Variants in BEND4 observed in about 807,000 individuals in gnomAD.
BEND4 encodes BEN domain containing 4.
Under a neutral mutation model 54.7 loss-of-function variants are expected in BEND4, and 27 were observed. That is an observed-to-expected ratio of 0.49 (90% CI 0.36 to 0.68). The LOEUF (loss-of-function observed/expected upper bound fraction) is 0.68, where lower values mean the gene tolerates loss of function less well. BEND4 is among the 30% of genes least tolerant of loss of function. The probability of loss-of-function intolerance (pLI) is 0.00; values close to 1 mark genes in which losing one functional copy is unlikely to be tolerated. For missense variants in BEND4, 702 were observed against 697.2 expected, an observed-to-expected ratio of 1.01 and a Z score of -0.08; for synonymous variants, 327 against 299.5, an observed-to-expected ratio of 1.09 and a Z score of -0.95.
chr4:42,112,948 C>T lies in BEND4; in HGVS notation c.*4570G>A, dbSNP rs557283518. The T allele has an allele frequency of 6.6e-6, 1 of 152,156 alleles. No homozygotes were observed. The highest frequency in any genetic ancestry group is 1.5e-5 in the Non-Finnish European group (1 of 68,038). The allele number at this position is 152,156 out of a possible 1,614,324, so 9.4% of individuals were successfully genotyped here. On this transcript the variant is annotated 3_prime_UTR_variant, in exon 6 of 6. Coordinates refer to ENST00000502486, the MANE Select transcript of BEND4 (RefSeq NM_207406.4). ...CTGGGTGACGTTTTCCTACATTACT[C>T]CAACTGAAGTGGTTATTTTTATCCA...
intron 3 of BEND4, among the ~76,000 whole-genome samples, chr4:42,132,240 G>A (rs1482694262): frequency 1.3e-5 from 2 of 152,152 alleles, no homozygotes; most frequent in African/African-American, 4.8e-5. Flanking sequence ...GGCCTTCACG[G>A]GTGGGGTAAG....
chr4:42,116,772 T>C lies in BEND4; in HGVS notation c.*746A>G, dbSNP rs557024281. 1.3e-5 allele frequency: 2 copies of C among 152,338 alleles called. No homozygotes were observed. The highest frequency in any genetic ancestry group is 4.8e-5 in the African/African-American group (2 of 41,580). The allele number at this position is 152,338 out of a possible 1,614,324, so 9.4% of individuals were successfully genotyped here. On this transcript the variant is annotated 3_prime_UTR_variant, in exon 6 of 6. Transcript: ENST00000502486. ...AAGCCTGATTTAAGGCTATGGAAAC[T>C]GCGGATTTATTAACCTACAAAACTG...
chr4:42,114,105 T>C lies in BEND4; in HGVS notation c.*3413A>G, dbSNP rs1719697982. On this transcript the variant is annotated 3_prime_UTR_variant, in exon 6 of 6. Coordinates refer to ENST00000502486, the MANE Select transcript of BEND4 (RefSeq NM_207406.4). ...TCTTGAAAGCATTTAACACTAAGGTTAAGCCATGAGATTTTGAACAATGCA... is the reference window on the plus strand; with the variant it reads ...TCTTGAAAGCATTTAACACTAAGGTCAAGCCATGAGATTTTGAACAATGCA... 1 of 152,216 alleles carries C rather than the reference T, an allele frequency of 6.6e-6. No homozygotes were observed. The highest frequency in any genetic ancestry group is 6.5e-5 in the Admixed American group (1 of 15,286). The allele number at this position is 152,216 out of a possible 1,614,324, so 9.4% of individuals were successfully genotyped here.
chr4:42,140,075 G>C (rs1720831731), intron 3 of BEND4, among the ~76,000 whole-genome samples: 1 of 152,152 alleles, frequency 6.6e-6, no homozygotes, highest in East Asian at 1.9e-4. Flanking sequence ...GGTAAAAATG[G>C]GCATTGAGAG....
rs1041281555 is a variant in BEND4, at chr4:42,114,489, C to A, written c.*3029G>T. On this transcript the variant is annotated 3_prime_UTR_variant, in exon 6 of 6. Transcript: ENST00000502486. ...ACAGCTGCATCCTGAGCTGTTTTAA[C>A]TCAATCTATTTTACACTACCAATGC... 1 of 152,182 alleles carries A rather than the reference C, an allele frequency of 6.6e-6. No individual in the cohort carries two copies. The highest frequency in any genetic ancestry group is 1.5e-5 in the Non-Finnish European group (1 of 68,022). 9.4% of individuals were successfully genotyped at this position (152,182 alleles called of 1,614,324 possible). A position where few individuals can be genotyped will look rare whatever the true frequency, so the allele number is the denominator to read the frequency against.
In BEND4 at chr4:42,114,718, G is replaced by C. The variant is rs1719728558; in HGVS notation, c.*2800C>G. The C allele has an allele frequency of 6.6e-6, 1 of 152,230 alleles. No homozygotes were observed. The highest frequency in any genetic ancestry group is 1.5e-5 in the Non-Finnish European group (1 of 68,056). 9.4% of individuals were successfully genotyped at this position (152,230 alleles called of 1,614,324 possible). ...AGTGAGCTTTTAACCTGGCTACACA[G>C]AGGCCCAATGGGCCTTGCCAAAATA... On this transcript the variant is annotated 3_prime_UTR_variant, in exon 6 of 6. Coordinates refer to ENST00000502486, the MANE Select transcript of BEND4 (RefSeq NM_207406.4).
At chr4:42,151,508 C>T (rs1050316490) in intron 2 of BEND4, 149 bp downstream of exon 2, 48 of 795,002 alleles carry the variant, frequency 6.0e-5, no homozygotes, top group Admixed American at 3.5e-4. Flanking sequence ...TCGAAGTTTC[C>T]GGGTGCGCGG....
rs376822596 is a variant in BEND4, at chr4:42,117,674, T to C, written c.1449A>G (p.Ile483Met). The C allele has an allele frequency of 6.2e-7, 1 of 1,610,950 alleles. No individual in the cohort carries two copies. Among genetic ancestry groups the C allele is most frequent in the African/African-American group, 1.3e-5 (1 of 75,016 alleles). ...CGACAGCGTCGCTGAACACTTTGTT[T>C]ATCTGCTCTTCCGAGGGCATCCACC... Reference protein sequence around the residue: ...PDWWMPSEEQINKVFSDAVGH... With the variant: ...PDWWMPSEEQMNKVFSDAVGH... Residue 483 changes from isoleucine to methionine, a missense_variant, in exon 6 of 6, where the codon ATA (isoleucine) becomes ATG (methionine). By Grantham distance (10) the Ile-to-Met change is conservative. Transcript: ENST00000502486.
intron 4 of BEND4, among the ~76,000 whole-genome samples, chr4:42,121,965 G>A (rs1216727706): frequency 6.6e-6 from 1 of 152,170 alleles, no homozygotes; most frequent in Non-Finnish European, 1.5e-5. Flanking sequence ...CAAGCACTGA[G>A]AGGAACAGGC....
At chr4:42,145,043 A>G (rs1285948523) in intron 2 of BEND4, among the ~76,000 whole-genome samples, 1 of 152,212 alleles carries the variant, frequency 6.6e-6, no homozygotes, top group Admixed American at 6.5e-5. Context: ...CAATAAACAA[A>G]ATATTCTAGA....
chr4:42,115,366 A>C lies in BEND4; in HGVS notation c.*2152T>G, dbSNP rs756058696. On this transcript the variant is annotated 3_prime_UTR_variant, in exon 6 of 6. Transcript: ENST00000502486. ...GCGTTGTCATGTACGGCCATGGAGC[A>C]GGGGTGCAGAAAGTGCTCTCATCAG... The C allele has an allele frequency of 1.3e-5, 2 of 152,240 alleles. No individual in the cohort carries two copies. Among genetic ancestry groups the C allele is most frequent in the African/African-American group, 2.4e-5 (1 of 41,458 alleles). 9.4% of individuals were successfully genotyped at this position (152,240 alleles called of 1,614,324 possible). A position where few individuals can be genotyped will look rare whatever the true frequency, so the allele number is the denominator to read the frequency against.
chr4:42,118,676 G>GAGACCC (rs1719939439), intron 5 of BEND4, among the ~76,000 whole-genome samples: 1 of 152,178 alleles, frequency 6.6e-6, no homozygotes, highest in Non-Finnish European at 1.5e-5. Flanking sequence ...ATACAGCGAT[G>GAGACCC]AGACCCCTTA....
At chr4:42,142,620 G>A (rs1720928080) in intron 3 of BEND4, among the ~76,000 whole-genome samples, 1 of 139,210 alleles carries the variant, frequency 7.2e-6, no homozygotes, top group African/African-American at 2.7e-5. Context: ...GTGACAGAGT[G>A]AGAGAGACTC....
chr4:42,145,990 C>T (rs567048568), intron 2 of BEND4, among the ~76,000 whole-genome samples: 2 of 152,254 alleles, frequency 1.3e-5, no homozygotes, highest in East Asian at 1.9e-4. Context: ...GCAAGTCCAC[C>T]CTAGGCTGGT....
intron 2 of BEND4, chr4:42,151,344 CGGG>C (rs144813632): frequency 0.3 from 70,936 of 232,640 alleles, 15,593 homozygotes; most frequent in African/African-American, 0.7. Flanking sequence ...CGCTATCCCC[CGGG>C]GGGGCGTCTG....
Position 42,125,637 on chromosome 4 carries a change from A to G in BEND4, c.1092T>C (p.Val364=), listed in dbSNP as rs1720246526. The G allele has an allele frequency of 6.2e-6, 10 of 1,613,628 alleles. No homozygotes were observed. Among genetic ancestry groups the G allele is most frequent in the Non-Finnish European group, 8.5e-6 (10 of 1,179,716 alleles). The part of the protein sequence containing the change: ...CQTVLDYLKM[V]LQHHNQLLIP... ...TCAGGAGTTGGTTGTGGTGCTGCAG[A>G]ACCATCTTCAAGTAATCTAAAACGG... is the stretch of plus-strand genomic sequence containing the variant. The change falls in exon 4 of 6, where the codon GTT becomes GTC. Residue 364 remains valine, a synonymous_variant. Coordinates refer to ENST00000502486, the MANE Select transcript of BEND4 (RefSeq NM_207406.4).
chr4:42,128,970 G>C (rs1465123838), intron 3 of BEND4, among the ~76,000 whole-genome samples: 1 of 152,140 alleles, frequency 6.6e-6, no homozygotes, highest in Non-Finnish European at 1.5e-5. Flanking sequence ...TATTCAAATA[G>C]GAAGAGAGGA....
chr4:42,131,510 C>T (rs897218411), intron 3 of BEND4, among the ~76,000 whole-genome samples: 3 of 152,094 alleles, frequency 2.0e-5, no homozygotes, highest in Admixed American at 6.5e-5. Flanking sequence ...TCTACATCAC[C>T]GTTGTCTCCC....
intron 3 of BEND4, among the ~76,000 whole-genome samples, chr4:42,135,608 T>TA (rs908785511): frequency 5.9e-5 from 9 of 151,416 alleles, no homozygotes; most frequent in South Asian, 4.2e-4. Flanking sequence ...CCGTCTCTAC[T>TA]AAAAAAAATA....
Sources: gnomAD v4.1 joint callset for allele counts (sites outside exome capture counted in the v4.1 genomes callset) on GRCh38, gnomAD v4.1.1 for gene constraint, MANE v1.5 for transcripts, NCBI Gene and HGNC (gene_info 2026-07-23, HGNC 2026-07-21) for gene names.